CSMD1: variants seen among roughly 807,000 people sequenced by gnomAD.
CSMD1 encodes CUB and Sushi multiple domains 1.
Under a neutral mutation model 417.5 loss-of-function variants are expected in CSMD1, and 213 were observed. The observed-to-expected ratio is 0.51, with a 90% CI of 0.46 to 0.57. The LOEUF (loss-of-function observed/expected upper bound fraction) is 0.57. Among genes scored for constraint, CSMD1 ranks in the 20% least tolerant of loss-of-function variants. The pLI is 0.00. For synonymous variants in CSMD1, 2,862 were observed against 1,736.8 expected (o/e 1.65, Z -16.11); for missense variants, 6,923 against 4,529.7 (o/e 1.53, Z -15.17).
chr8:4,884,512 G>A (rs535800224), intron 1 of CSMD1, among the ~76,000 whole-genome samples: 1 of 151,912 alleles, frequency 6.6e-6, no homozygotes, highest in Non-Finnish European at 1.5e-5. Flanking sequence ...TATAATTTTA[G>A]CTCTTTCATT....
chr8:3,604,239 G>T (rs1026282160), intron 8 of CSMD1, among the ~76,000 whole-genome samples: 1 of 152,192 alleles, frequency 6.6e-6, no homozygotes, highest in Admixed American at 6.5e-5. Context: ...AAGCATAGAC[G>T]TGCATAGAAT....
chr8:3,343,548 AAAC>A, intron 22 of CSMD1, 98 bp from the exon 23 acceptor site: 1 of 1,042,058 alleles, frequency 9.6e-7, no homozygotes, highest in South Asian at 1.7e-5. Context: ...ATGCAGTTTT[AAAC>A]AATACTTAAA....
intron 23 of CSMD1, among the ~76,000 whole-genome samples, chr8:3,318,051 T>C (rs1031495574): frequency 3.3e-5 from 5 of 152,342 alleles, no homozygotes; most frequent in African/African-American, 1.2e-4. Flanking sequence ...TCTGCCCACC[T>C]TGGCCTCCCA....
At chr8:4,992,695 G>A (rs1394699510) in intron 1 of CSMD1, among the ~76,000 whole-genome samples, 1 of 152,228 alleles carries the variant, frequency 6.6e-6, no homozygotes, top group East Asian at 1.9e-4. Context: ...GCTGACCAGA[G>A]GCCGCTGCCA....
intron 10 of CSMD1, among the ~76,000 whole-genome samples, chr8:3,522,313 G>T (rs1377427446): frequency 1.3e-5 from 2 of 152,164 alleles, no homozygotes; most frequent in Admixed American, 6.5e-5. Flanking sequence ...GAAAAAAGAG[G>T]AGAGGAAATT....
chr8:4,927,955 C>T (rs1166974166), intron 1 of CSMD1, among the ~76,000 whole-genome samples: 1 of 152,194 alleles, frequency 6.6e-6, no homozygotes, highest in African/African-American at 2.4e-5. Flanking sequence ...ACTACATCTC[C>T]AGTGATTCTT....
intron 1 of CSMD1, among the ~76,000 whole-genome samples, chr8:4,695,023 T>A (rs945092649): frequency 2.6e-5 from 4 of 152,140 alleles, no homozygotes; most frequent in Non-Finnish European, 5.9e-5. Context: ...TAAGCTCCCT[T>A]TACTTATCTG....
At chr8:4,289,928 T>A (rs896683207) in intron 3 of CSMD1, among the ~76,000 whole-genome samples, 9 of 152,188 alleles carry the variant, frequency 5.9e-5, no homozygotes, top group Admixed American at 5.9e-4. Context: ...AGTGAGTAAT[T>A]AGAATCATTA....
intron 40 of CSMD1, among the ~76,000 whole-genome samples, chr8:3,147,035 G>T (rs1013391418): frequency 6.6e-6 from 1 of 151,490 alleles, no homozygotes; most frequent in African/African-American, 2.4e-5. Context: ...CTTATATTCC[G>T]GATAAGTGTT....
intron 5 of CSMD1, among the ~76,000 whole-genome samples, chr8:3,879,297 T>C (rs1585130535): frequency 6.6e-6 from 1 of 152,040 alleles, no homozygotes; most frequent in Non-Finnish European, 1.5e-5. Context: ...CAAATGTATG[T>C]CAAAAATGTC....
intron 11 of CSMD1, 108 bp downstream of exon 11, chr8:3,493,515 A>C (rs1220013464): frequency 6.0e-6 from 5 of 836,226 alleles, no homozygotes; most frequent in Non-Finnish European, 9.5e-6. Flanking sequence ...AGATGGCACT[A>C]AGCAAACACC....
chr8:4,970,547 A>C (rs4537322), intron 1 of CSMD1, among the ~76,000 whole-genome samples: 1 of 151,640 alleles, frequency 6.6e-6, no homozygotes, highest in Non-Finnish European at 1.5e-5. Context: ...GTAACTTTGG[A>C]CAACAGGTGG....
At chr8:4,359,679 C>A (rs945905515) in intron 3 of CSMD1, among the ~76,000 whole-genome samples, 1 of 152,170 alleles carries the variant, frequency 6.6e-6, no homozygotes, top group Non-Finnish European at 1.5e-5. Flanking sequence ...GGGTATGAAT[C>A]CTCAGCCCTC....
At chr8:3,966,690 G>A (rs1227473913) in intron 5 of CSMD1, among the ~76,000 whole-genome samples, 1 of 151,968 alleles carries the variant, frequency 6.6e-6, no homozygotes, top group African/African-American at 2.4e-5. Context: ...TGCCACCACA[G>A]CGTATGCCAT....
intron 2 of CSMD1, among the ~76,000 whole-genome samples, chr8:4,592,657 G>C (rs1800051254): frequency 6.6e-6 from 1 of 152,046 alleles, no homozygotes; most frequent in African/African-American, 2.4e-5. Flanking sequence ...AAAGTGCTAG[G>C]ATTACCAGCG....
intron 3 of CSMD1, among the ~76,000 whole-genome samples, chr8:4,230,937 T>C (rs552542162): frequency 2.4e-4 from 37 of 152,302 alleles, no homozygotes; most frequent in African/African-American, 7.9e-4. Context: ...CCTGTTTTTT[T>C]CTACTTGGAA....
chr8:3,588,639 A>T (rs1800706033), intron 8 of CSMD1, among the ~76,000 whole-genome samples: 1 of 152,118 alleles, frequency 6.6e-6, no homozygotes, highest in African/African-American at 2.4e-5. Context: ...TCCTTTACGT[A>T]TCAGTAGCAA....
chr8:3,994,263 C>T (rs941878202), intron 5 of CSMD1, among the ~76,000 whole-genome samples: 20 of 151,948 alleles, frequency 1.3e-4, no homozygotes, highest in Non-Finnish European at 2.5e-4. Context: ...TATATAAGTT[C>T]ATATTTTAAA....
At chr8:3,381,304 T>C (rs1432034485) in intron 18 of CSMD1, among the ~76,000 whole-genome samples, 2 of 151,928 alleles carry the variant, frequency 1.3e-5, no homozygotes, top group South Asian at 2.1e-4. Flanking sequence ...ACACACCCTA[T>C]GTTAAAATTC....
Sources: gnomAD v4.1 joint callset for allele counts (sites outside exome capture counted in the v4.1 genomes callset) on GRCh38, gnomAD v4.1.1 for gene constraint, MANE v1.5 for transcripts, NCBI Gene and HGNC (gene_info 2026-07-23, HGNC 2026-07-21) for gene names.